HORMAD2: variants seen among roughly 807,000 people sequenced by gnomAD.
The protein encoded by HORMAD2 is HORMA domain-containing protein 2.
In HORMAD2, 45 loss-of-function variants were observed where a neutral mutation model predicts 38.8. That is an observed-to-expected ratio of 1.16 (90% CI 0.91 to 1.49). The LOEUF (loss-of-function observed/expected upper bound fraction) is 1.49. HORMAD2 is among the 40% of genes most tolerant of loss of function. The pLI, the probability that HORMAD2 is intolerant of heterozygous loss-of-function variation, is 0.00. For missense variants in HORMAD2, 338 were observed against 367.0 expected, an observed-to-expected ratio of 0.92 and a Z score of 0.65; for synonymous variants, 126 against 122.8, an observed-to-expected ratio of 1.03 and a Z score of -0.17.
intron 10 of HORMAD2, among the ~76,000 whole-genome samples, chr22:30,127,450 G>T (rs891015677): frequency 2.6e-5 from 4 of 151,912 alleles, no homozygotes; most frequent in African/African-American, 9.7e-5. Flanking sequence ...TTCGTGATCC[G>T]CCCACCTCGG....
At chr22:30,106,349 G>A (rs1046831931) in intron 5 of HORMAD2, among the ~76,000 whole-genome samples, 3 of 152,014 alleles carry the variant, frequency 2.0e-5, no homozygotes, top group Admixed American at 6.6e-5. Context: ...ATATTTTTAT[G>A]TAAAAATATC....
chr22:30,152,186 C>T (rs960698721), intron 10 of HORMAD2, among the ~76,000 whole-genome samples: 1 of 151,898 alleles, frequency 6.6e-6, no homozygotes, highest in Non-Finnish European at 1.5e-5. Context: ...TTTCATTCTT[C>T]TTGGTCTATT....
chr22:30,180,383 G>A (rs1926648633), downstream of HORMAD2, among the ~76,000 whole-genome samples: 1 of 152,030 alleles, frequency 6.6e-6, no homozygotes, highest in South Asian at 2.1e-4. Flanking sequence ...TTGTTGTTTG[G>A]GTATTTCAGG....
intron 10 of HORMAD2, among the ~76,000 whole-genome samples, chr22:30,153,584 AT>A (rs1296602961): frequency 1.3e-5 from 2 of 152,106 alleles, no homozygotes; most frequent in African/African-American, 4.8e-5. Flanking sequence ...ATTGGCCCAA[AT>A]CATATCCATT....
chr22:30,159,465 T>A (rs953763673), intron 10 of HORMAD2, among the ~76,000 whole-genome samples: 3 of 152,228 alleles, frequency 2.0e-5, no homozygotes, highest in Non-Finnish European at 2.9e-5. Context: ...AGAAAACATA[T>A]TTGTATATTC....
intron 10 of HORMAD2, among the ~76,000 whole-genome samples, chr22:30,144,810 T>G (rs1258965723): frequency 6.6e-6 from 1 of 151,826 alleles, no homozygotes; most frequent in Non-Finnish European, 1.5e-5. Flanking sequence ...ACACAAAACT[T>G]CCATCTCACC....
At chr22:30,142,380 A>G (rs564904096) in intron 10 of HORMAD2, among the ~76,000 whole-genome samples, 1 of 152,284 alleles carries the variant, frequency 6.6e-6, no homozygotes, top group South Asian at 2.1e-4. Flanking sequence ...AGTGTTCTAT[A>G]TATATATATC....
intron 5 of HORMAD2, among the ~76,000 whole-genome samples, chr22:30,110,721 A>T (rs562692866): frequency 6.6e-6 from 1 of 151,970 alleles, no homozygotes; most frequent in Non-Finnish European, 1.5e-5. Flanking sequence ...ATTAATTTTG[A>T]CCTTCCTGGA....
intron 5 of HORMAD2, among the ~76,000 whole-genome samples, chr22:30,109,705 A>G (rs1921483551): frequency 6.6e-6 from 1 of 152,210 alleles, no homozygotes; most frequent in Non-Finnish European, 1.5e-5. Context: ...TCTTTCAAGC[A>G]GAGATAATCT....
rs3067131 is a variant in HORMAD2 at position 30,139,254 on chromosome 22, C to CTATATATATATATATATA, written c.819+17056_819+17073dup. 6.6e-4 allele frequency among the ~76,000 whole-genome samples: 64 copies of CTATATATATATATATATA among 96,714 alleles called. 1 individual carries two copies. Among genetic ancestry groups the CTATATATATATATATATA allele is most frequent in the Middle Eastern group, 5.3e-3 (1 of 188 alleles). The allele number at this position is 96,714 out of a possible 152,430, so 63.4% of individuals were successfully genotyped here. On this transcript the variant is annotated intron_variant, in intron 10 of 10. Transcript: ENST00000336726. Reference sequence around the variant, plus strand: ...TGTTTATATATATATATGAACTGTACTATATATATATATATATATATATAT... The same window carrying CTATATATATATATATATA: ...TGTTTATATATATATATGAACTGTACTATATATATATATATATATATATATATATATATATATATATAT...
chr22:30,154,366 C>T (rs1924938457), intron 10 of HORMAD2, among the ~76,000 whole-genome samples: 1 of 152,192 alleles, frequency 6.6e-6, no homozygotes, highest in Non-Finnish European at 1.5e-5. Context: ...TGCAAGTACA[C>T]ACAAATCATG....
At chr22:30,133,048 TATC>T (rs771090174) in intron 10 of HORMAD2, among the ~76,000 whole-genome samples, 6 of 152,206 alleles carry the variant, frequency 3.9e-5, no homozygotes, top group Non-Finnish European at 5.9e-5. Flanking sequence ...AATACAATGT[TATC>T]ATTACACCAA....
intron 1 of HORMAD2, among the ~76,000 whole-genome samples, chr22:30,084,633 A>AT (rs900595146): frequency 4.6e-5 from 7 of 151,590 alleles, no homozygotes; most frequent in Non-Finnish European, 7.4e-5. Flanking sequence ...TAGGTTTTTA[A>AT]TTTTTTTTAT....
chr22:30,095,960 A>G (rs1319660902), intron 2 of HORMAD2, among the ~76,000 whole-genome samples: 2 of 152,180 alleles, frequency 1.3e-5, no homozygotes, highest in African/African-American at 4.8e-5. Flanking sequence ...CTCCCCACCA[A>G]GAGAAACCAC....
chr22:30,148,576 T>A (rs560010270), intron 10 of HORMAD2, among the ~76,000 whole-genome samples: 2 of 152,208 alleles, frequency 1.3e-5, no homozygotes, highest in African/African-American at 4.8e-5. Context: ...AAAGTAGTGA[T>A]CCATAGTGTT....
At chr22:30,126,055 C>G (rs989624722) in intron 10 of HORMAD2, among the ~76,000 whole-genome samples, 1 of 152,170 alleles carries the variant, frequency 6.6e-6, no homozygotes, top group Non-Finnish European at 1.5e-5. Flanking sequence ...TGAGAAACCC[C>G]CAGTCTTATT....
chr22:30,122,510 A>G (rs945028675), intron 10 of HORMAD2, among the ~76,000 whole-genome samples: 3 of 152,226 alleles, frequency 2.0e-5, no homozygotes, highest in Non-Finnish European at 2.9e-5. Context: ...TGTAAATGAC[A>G]TAATTTTAGG....
chr22:30,105,324 G>T, intron 5 of HORMAD2: 1 of 166,480 alleles, frequency 6.0e-6, no homozygotes, highest in Non-Finnish European at 1.3e-5. Context: ...CACCTGCGAT[G>T]GCAGCTGGGC....
chr22:30,160,174 C>A (rs1246477991), intron 10 of HORMAD2, among the ~76,000 whole-genome samples: 1 of 151,866 alleles, frequency 6.6e-6, no homozygotes, highest in Non-Finnish European at 1.5e-5. Flanking sequence ...GTCCTGCTGC[C>A]ACTGTGCCCT....
Sources: gnomAD v4.1 joint callset for allele counts (sites outside exome capture counted in the v4.1 genomes callset) on GRCh38, gnomAD v4.1.1 for gene constraint, MANE v1.5 for transcripts, NCBI Gene and HGNC (gene_info 2026-07-23, HGNC 2026-07-21) for gene names.